ZDHHC11B: variants seen among roughly 807,000 people sequenced by gnomAD.
ZDHHC11B encodes zDHHC palmitoyltransferase 11B (putative).
Under a neutral mutation model 42.3 loss-of-function variants are expected in ZDHHC11B, and 17 were observed. The ratio of observed to expected loss-of-function variants is 0.40; its 90% CI spans 0.27 to 0.60. The LOEUF (loss-of-function observed/expected upper bound fraction) is 0.60, where lower values mean the gene tolerates loss of function less well. Ranked by LOEUF, ZDHHC11B falls within the 20% of genes least tolerant of loss-of-function variation. ZDHHC11B has a pLI of 0.41. For missense variants in ZDHHC11B, 262 were observed against 463.2 expected, an observed-to-expected ratio of 0.57 and a Z score of 3.99; for synonymous variants, 123 against 193.5, an observed-to-expected ratio of 0.64 and a Z score of 3.02.
intron 10 of ZDHHC11B, 36 bp from the exon 11 acceptor site, chr5:733,875 A>C: frequency 4.2e-5 from 66 of 1,568,212 alleles, no homozygotes; most frequent in Non-Finnish European, 5.4e-5. Context: ...AACTCATCTC[A>C]GCTTTGTGGG....
chr5:770,716 GC>G, intron 1 of ZDHHC11B, among the ~76,000 whole-genome samples: 1 of 152,174 alleles, frequency 6.6e-6, no homozygotes, highest in African/African-American at 2.4e-5. Context: ...GCCTCAGGAT[GC>G]TCTTCCCAGG....
intron 4 of ZDHHC11B, among the ~76,000 whole-genome samples, chr5:765,582 A>T (rs6871658): frequency 0.041 from 6,154 of 149,888 alleles, 192 homozygotes; most frequent in East Asian, 0.13. Context: ...CAGGCTGCTC[A>T]AGCCAGTAGC....
chr5:717,912 C>G (rs1205510432), intron 12 of ZDHHC11B, among the ~76,000 whole-genome samples: 1 of 151,682 alleles, frequency 6.6e-6, no homozygotes, highest in African/African-American at 2.4e-5. Context: ...AAACTATAGG[C>G]AACAATGGGA....
Position 752,622 on chromosome 5 carries a change from A to G in ZDHHC11B, c.504-1365T>C, listed in dbSNP as rs111575764. ...GAATGCCGCAGTCGTCCGAAGACGCAGTTAGGGCACAGCTGCCTTCCCCGC... is the reference window on the plus strand; with the variant it reads ...GAATGCCGCAGTCGTCCGAAGACGCGGTTAGGGCACAGCTGCCTTCCCCGC... On this transcript the variant is annotated intron_variant, in intron 6 of 13. Transcript: ENST00000508859. Among the ~76,000 whole-genome samples, 40 of 96,324 alleles carry G rather than the reference A, an allele frequency of 4.2e-4. 2 individuals are homozygous for G. Among genetic ancestry groups the G allele is most frequent in the African/African-American group, 1.2e-3 (40 of 34,626 alleles). 63.2% of individuals were successfully genotyped at this position (96,324 alleles called of 152,430 possible).
chr5:770,970 C>T (rs1018854233), intron 1 of ZDHHC11B, among the ~76,000 whole-genome samples: 21 of 151,856 alleles, frequency 1.4e-4, no homozygotes, highest in Admixed American at 2.6e-4. Flanking sequence ...GCATGGGCTT[C>T]GGTAAGACCC....
At chr5:777,238 G>A (rs1049097597) in intron 1 of ZDHHC11B, among the ~76,000 whole-genome samples, 1 of 151,882 alleles carries the variant, frequency 6.6e-6, no homozygotes, top group Non-Finnish European at 1.5e-5. Flanking sequence ...GAGTGTTACA[G>A]CTCTTCAAGG....
At chr5:723,888 G>A (rs1368040658) in intron 12 of ZDHHC11B, among the ~76,000 whole-genome samples, 5 of 138,702 alleles carry the variant, frequency 3.6e-5, no homozygotes, top group Middle Eastern at 3.5e-3. Flanking sequence ...CCTCCCCCTC[G>A]CTGTGCAGCC....
intron 10 of ZDHHC11B, among the ~76,000 whole-genome samples, chr5:738,871 G>A (rs1175129090): frequency 2.7e-5 from 4 of 150,880 alleles, no homozygotes; most frequent in Non-Finnish European, 5.9e-5. Flanking sequence ...ATTGACTTCA[G>A]CAAAGAGCTC....
chr5:765,225 G>A (rs1448051256), intron 4 of ZDHHC11B, among the ~76,000 whole-genome samples: 1 of 151,432 alleles, frequency 6.6e-6, no homozygotes, highest in East Asian at 1.9e-4. Context: ...CTAAGGGATT[G>A]TAAATACACC....
chr5:762,119 C>T (rs1734708853), intron 4 of ZDHHC11B, among the ~76,000 whole-genome samples: 1 of 151,488 alleles, frequency 6.6e-6, no homozygotes. Flanking sequence ...ACAGTCACTC[C>T]CAGCCCCAGA....
intron 7 of ZDHHC11B, among the ~76,000 whole-genome samples, chr5:750,048 G>A (rs575091758): frequency 3.7e-5 from 4 of 107,026 alleles, no homozygotes; most frequent in East Asian, 6.8e-4. Context: ...TGTTGGCTCC[G>A]GAATGTTCTG....
intron 1 of ZDHHC11B, among the ~76,000 whole-genome samples, chr5:775,728 GAC>G (rs1736419006): frequency 6.6e-6 from 1 of 151,810 alleles, no homozygotes; most frequent in Admixed American, 6.6e-5. Context: ...AACGTGCTGT[GAC>G]TGCAGGATGC....
chr5:750,442 G>C (rs55960370), intron 7 of ZDHHC11B, among the ~76,000 whole-genome samples: 10,013 of 139,982 alleles, frequency 0.072, 67 homozygotes, highest in East Asian at 0.19. Context: ...TCCCCTCTGC[G>C]TCTCTCCTTT....
chr5:763,385 A>AAGAAG (rs372614567), intron 4 of ZDHHC11B, among the ~76,000 whole-genome samples: 3 of 149,956 alleles, frequency 2.0e-5, no homozygotes, highest in Non-Finnish European at 3.0e-5. Context: ...AAAAAAAAAA[A>AAGAAG]AAGAAGAAGA....
Position 745,257 on chromosome 5 carries a change from G to C in ZDHHC11B, c.826C>G (p.Arg276Gly). ...MTTFEYLINT[R>G]KEESSKHQAV... Reference sequence around the variant, plus strand: ...TGATGTTTTGAACTCTCTTCTTTGCGGGTATTAATGAGATACTCAAAGGTG... The same window carrying C: ...TGATGTTTTGAACTCTCTTCTTTGCCGGTATTAATGAGATACTCAAAGGTG... The change falls in exon 9 of 14, where the codon CGC becomes GGC. Residue 276 changes from arginine to glycine, a missense_variant. Transcript: ENST00000508859. 4.3e-6 allele frequency: 7 copies of C among 1,609,240 alleles called. No individual in the cohort carries two copies. The highest frequency in any genetic ancestry group is 5.9e-6 in the Non-Finnish European group (7 of 1,178,100).
intron 1 of ZDHHC11B, among the ~76,000 whole-genome samples, chr5:780,568 G>A (rs1488644162): frequency 7.2e-6 from 1 of 138,460 alleles, no homozygotes; most frequent in African/African-American, 3.2e-5. Flanking sequence ...TTGCAGCTTC[G>A]ACGGGAAAAC....
In ZDHHC11B at chr5:751,694, C is replaced by CAT. The variant is rs1310934727; in HGVS notation, c.504-438_504-437insAT. On this transcript the variant is annotated intron_variant, in intron 6 of 13. Transcript: ENST00000508859. ...TGCCCGATGCTGGCCTCAAACCCTG[C>CAT]TCCCGACCATGCCTGGAAGCTCAGG... Among the ~76,000 whole-genome samples, 128 of 128,482 alleles carry CAT rather than the reference C, an allele frequency of 1.0e-3. 16 individuals carry two copies. Among genetic ancestry groups the CAT allele is most frequent in the African/African-American group, 3.1e-3 (121 of 39,532 alleles). The allele number at this position is 128,482 out of a possible 152,430, so 84.3% of individuals were successfully genotyped here. A position where few individuals can be genotyped will look rare whatever the true frequency, so the allele number is the denominator to read the frequency against.
rs1335888955 is a variant in ZDHHC11B at position 716,545 on chromosome 5, C to A, written c.*7+256G>T. ...ACTTAAAGGCAAGTATGGAAATGAG[C>A]AGTGTTCAATCTATACATTGTTTAC... is the stretch of plus-strand genomic sequence containing the variant. On this transcript the variant is annotated intron_variant, in intron 13 of 13. Transcript: ENST00000508859. 6.2e-4 allele frequency among the ~76,000 whole-genome samples: 94 copies of A among 151,490 alleles called. No homozygotes were observed. The East Asian group carries it at 0.014, about 22-fold the overall frequency.
At chr5:763,051 A>C (rs1333579842) in intron 4 of ZDHHC11B, among the ~76,000 whole-genome samples, 1 of 151,870 alleles carries the variant, frequency 6.6e-6, no homozygotes, top group Non-Finnish European at 1.5e-5. Context: ...GACAAATTAC[A>C]TGAAATACTC....
Sources: gnomAD v4.1 joint callset for allele counts (sites outside exome capture counted in the v4.1 genomes callset) on GRCh38, gnomAD v4.1.1 for gene constraint, MANE v1.5 for transcripts, NCBI Gene and HGNC (gene_info 2026-07-23, HGNC 2026-07-21) for gene names.